The following SLC24A1 variants were observed in gnomAD, a reference collection of about 807,000 sequenced individuals.
The protein encoded by SLC24A1 is solute carrier family 24 member 1.
A neutral mutation model predicts 88.1 loss-of-function variants in SLC24A1; 52 were observed. The observed-to-expected ratio is 0.59, with a 90% CI of 0.47 to 0.74. SLC24A1 has a LOEUF of 0.74. Ranked by LOEUF, SLC24A1 falls within the 30% of genes least tolerant of loss-of-function variation. The pLI, the probability that SLC24A1 is intolerant of heterozygous loss-of-function variation, is 0.00. For missense variants in SLC24A1, 1,173 were observed against 1,363.3 expected (o/e 0.86, Z 2.20); for synonymous variants, 455 against 498.0 (o/e 0.91, Z 1.15).
intron 2 of SLC24A1, among the ~76,000 whole-genome samples, chr15:65,626,729 A>C (rs1343460366): frequency 6.6e-6 from 1 of 152,192 alleles, no homozygotes; most frequent in Non-Finnish European, 1.5e-5. Context: ...TGGATGATTC[A>C]ATAACCTGAA....
intron 1 of SLC24A1, among the ~76,000 whole-genome samples, chr15:65,622,514 G>T (rs2074353592): frequency 6.6e-6 from 1 of 152,144 alleles, no homozygotes; most frequent in African/African-American, 2.4e-5. Flanking sequence ...AGTTGTACCA[G>T]ACAGATTCCA....
intron 2 of SLC24A1, among the ~76,000 whole-genome samples, chr15:65,631,215 G>A (rs1258017364): frequency 6.6e-6 from 1 of 152,102 alleles, no homozygotes; most frequent in African/African-American, 2.4e-5. Context: ...TGCATATGAT[G>A]GGATTCAATA....
chr15:65,654,576 T>G lies in SLC24A1; in HGVS notation c.*497T>G, dbSNP rs1340822956. ...TCAAATTGTGAGGTTCTATCAGGTT[T>G]GTAATCACTGTAGCTTCAGTTATTG... On this transcript the variant is annotated 3_prime_UTR_variant, in exon 10 of 10. Transcript: ENST00000261892. The G allele has an allele frequency of 2.5e-6, 3 of 1,198,354 alleles. No homozygotes were observed. The highest frequency in any genetic ancestry group is 2.1e-6 in the Non-Finnish European group (2 of 951,118). The allele number at this position is 1,198,354 out of a possible 1,614,324, so 74.2% of individuals were successfully genotyped here. A position where few individuals can be genotyped will look rare whatever the true frequency, so the allele number is the denominator to read the frequency against.
chr15:65,645,397 A>G (rs1167920467), intron 5 of SLC24A1, among the ~76,000 whole-genome samples: 1 of 152,224 alleles, frequency 6.6e-6, no homozygotes, highest in Non-Finnish European at 1.5e-5. Flanking sequence ...GGGAGCACGG[A>G]TGGTCACTTG....
At chr15:65,647,342 G>T (rs1486446855) in intron 6 of SLC24A1, among the ~76,000 whole-genome samples, 1 of 152,012 alleles carries the variant, frequency 6.6e-6, no homozygotes, top group Non-Finnish European at 1.5e-5. Context: ...GCCGGGTGTG[G>T]TGGTGCGTGC....
chr15:65,635,471 G>GA (rs1019171783), intron 2 of SLC24A1, among the ~76,000 whole-genome samples: 2 of 92,948 alleles, frequency 2.2e-5, no homozygotes, highest in Admixed American at 1.0e-4. Context: ...AAAAAAAAAA[G>GA]AAAAAAAAAG....
At position 65,653,782 on chromosome 15, in the gene SLC24A1, A is replaced by T. The variant is rs187471589; in HGVS notation, c.3051-48A>T. ...ATAAACTACTATTTAAGTGTATGGG[A>T]TTATTATAAACATTAAGGATATTCA... On this transcript the variant is annotated intron_variant, in intron 9 of 9. Coordinates refer to ENST00000261892, the MANE Select transcript of SLC24A1 (RefSeq NM_004727.3). The T allele has an allele frequency of 7.6e-6, 12 of 1,588,098 alleles. No individual in the cohort carries two copies. In the East Asian group the frequency reaches 2.7e-4, roughly 36 times the overall value.
intron 7 of SLC24A1, 136 bp downstream of exon 7, chr15:65,651,078 G>A (rs1407423464): frequency 2.4e-5 from 18 of 746,884 alleles, no homozygotes; most frequent in Non-Finnish European, 4.0e-5. Context: ...ATTGAGATCT[G>A]GGAAGGGACT....
Position 65,653,735 on chromosome 15 carries a change from G to A in SLC24A1, c.3051-95G>A, listed in dbSNP as rs974293630. 3.2e-6 allele frequency: 4 copies of A among 1,235,092 alleles called. No homozygotes were observed. The African/African-American group carries it at 4.5e-5, about 14-fold the overall frequency. 76.5% of individuals were successfully genotyped at this position (1,235,092 alleles called of 1,614,324 possible). A position where few individuals can be genotyped will look rare whatever the true frequency, so the allele number is the denominator to read the frequency against. On this transcript the variant is annotated intron_variant, in intron 9 of 9. Transcript: ENST00000261892. Reference sequence around the variant, plus strand: ...TGTTCACTTCATAGATATTTTATTGGTGGAAAAATACTTTGTAAAGTATAA... The same window carrying A: ...TGTTCACTTCATAGATATTTTATTGATGGAAAAATACTTTGTAAAGTATAA...
chr15:65,654,541 C>G lies in SLC24A1; in HGVS notation c.*462C>G. The stretch of plus-strand genomic sequence containing the variant: ...AACACACGCTGCAATTTTGTCTCCT[C>G]CTTTTCTGTTCAAATTGTGAGGTTC... On this transcript the variant is annotated 3_prime_UTR_variant, in exon 10 of 10. Transcript: ENST00000261892. 8.4e-7 allele frequency: 1 copy of G among 1,186,932 alleles called. No homozygotes were observed. Among genetic ancestry groups the G allele is most frequent in the South Asian group, 1.6e-5 (1 of 62,662 alleles). The allele number at this position is 1,186,932 out of a possible 1,614,324, so 73.5% of individuals were successfully genotyped here.
At chr15:65,620,464 TGA>T (rs765057632), upstream of SLC24A1, among the ~76,000 whole-genome samples, 19 of 152,312 alleles carry the variant, frequency 1.2e-4, no homozygotes, top group Non-Finnish European at 1.9e-4. Context: ...TTTTACAGGA[TGA>T]GAGGTTTATA....
chr15:65,654,790 TCAC>T lies in SLC24A1; in HGVS notation c.*713_*715del, dbSNP rs1396944487. 1 of 1,052,090 alleles carries T rather than the reference TCAC, an allele frequency of 9.5e-7. No homozygotes were observed. Among genetic ancestry groups the T allele is most frequent in the Non-Finnish European group, 1.3e-6 (1 of 785,548 alleles). 65.2% of individuals were successfully genotyped at this position (1,052,090 alleles called of 1,614,324 possible). A position where few individuals can be genotyped will look rare whatever the true frequency, so the allele number is the denominator to read the frequency against. On this transcript the variant is annotated 3_prime_UTR_variant, in exon 10 of 10. Coordinates refer to ENST00000261892, the MANE Select transcript of SLC24A1 (RefSeq NM_004727.3). ...GCGTGATCTCGGCACACCACAACCT[TCAC>T]CTCCCCGGTTCAAGCAATTCTCCTG... is the stretch of plus-strand genomic sequence containing the variant.
At chr15:65,635,609 T>G (rs1346649898) in intron 2 of SLC24A1, among the ~76,000 whole-genome samples, 1 of 152,164 alleles carries the variant, frequency 6.6e-6, no homozygotes, top group African/African-American at 2.4e-5. Flanking sequence ...GGGGGATTTC[T>G]TAAAATGCAC....
intron 2 of SLC24A1, among the ~76,000 whole-genome samples, chr15:65,634,240 T>C (rs1471736613): frequency 6.6e-6 from 1 of 152,122 alleles, no homozygotes; most frequent in Non-Finnish European, 1.5e-5. Flanking sequence ...AACGTGTGGT[T>C]CAGGAAATGT....
intron 6 of SLC24A1, among the ~76,000 whole-genome samples, chr15:65,648,413 A>G (rs1252870237): frequency 1.3e-5 from 2 of 152,226 alleles, no homozygotes; most frequent in Admixed American, 1.3e-4. Flanking sequence ...CAAGGGATGG[A>G]CCAGCATATT....
intron 6 of SLC24A1, among the ~76,000 whole-genome samples, chr15:65,646,110 A>G (rs548360088): frequency 1.3e-5 from 2 of 152,344 alleles, no homozygotes; most frequent in East Asian, 1.9e-4. Context: ...GCACCTGGTC[A>G]GGCATCTCAG....
chr15:65,638,114 C>T lies in SLC24A1; in HGVS notation c.1891-14C>T. The T allele has an allele frequency of 6.2e-7, 1 of 1,602,384 alleles. No homozygotes were observed. The highest frequency in any genetic ancestry group is 8.5e-7 in the Non-Finnish European group (1 of 1,172,522). On this transcript the variant is annotated splice_polypyrimidine_tract_variant and intron_variant, in intron 2 of 9. Transcript: ENST00000261892. ...CTCGCCACAACATCTCGTGACTCCT[C>T]TCCCTGTTTGCAGCCGGGCGATGGG...
chr15:65,655,624 G>A lies in SLC24A1; in HGVS notation c.*1545G>A. 1.0e-6 allele frequency: 1 copy of A among 985,370 alleles called. No individual in the cohort carries two copies. Among genetic ancestry groups the A allele is most frequent in the Non-Finnish European group, 1.2e-6 (1 of 829,918 alleles). The allele number at this position is 985,370 out of a possible 1,614,324, so 61.0% of individuals were successfully genotyped here. ...ATGAGCTCGGGTGACTGCAGATTAT[G>A]ATGGTAAATATGGCTTTAATTACAA... On this transcript the variant is annotated 3_prime_UTR_variant, in exon 10 of 10. Coordinates refer to ENST00000261892, the MANE Select transcript of SLC24A1 (RefSeq NM_004727.3).
Position 65,624,328 on chromosome 15 carries a change from G to C in SLC24A1, c.248G>C (p.Ser83Thr), listed in dbSNP as rs966141958. ...MMMSSSPSKP[S>T]SEMGGKMLVP... ...ATGAGCAGCAGCCCTTCAAAACCTAGCTCCGAAATGGGGGGTAAGATGCTG... is the reference window on the plus strand; with the variant it reads ...ATGAGCAGCAGCCCTTCAAAACCTACCTCCGAAATGGGGGGTAAGATGCTG... The change falls in exon 2 of 10, where the codon AGC becomes ACC. Residue 83 changes from serine to threonine, a missense_variant. Ser to Thr is a moderately conservative substitution (Grantham distance 58, BLOSUM62 1). Transcript: ENST00000261892. 6 of 1,613,600 alleles carry C rather than the reference G, an allele frequency of 3.7e-6. No individual in the cohort carries two copies. The highest frequency in any genetic ancestry group is 2.7e-5 in the African/African-American group (2 of 74,846).
Sources: gnomAD v4.1 joint callset for allele counts (sites outside exome capture counted in the v4.1 genomes callset) on GRCh38, gnomAD v4.1.1 for gene constraint, MANE v1.5 for transcripts, NCBI Gene and HGNC (gene_info 2026-07-23, HGNC 2026-07-21) for gene names.